Variants in CD163L1 observed in about 807,000 individuals in gnomAD.
The protein encoded by CD163L1 is scavenger receptor cysteine-rich type 1 protein M160.
CD163L1 carries 124 observed loss-of-function variants against 165.4 expected under a neutral mutation model. The ratio of observed to expected loss-of-function variants is 0.75; its 90% CI spans 0.65 to 0.87. The LOEUF is 0.87. Among genes scored for constraint, CD163L1 ranks in the 40% least tolerant of loss-of-function variants. CD163L1 has a pLI of 0.00. For missense variants in CD163L1, 1,525 were observed against 1,799.9 expected (o/e 0.85, Z 2.76); for synonymous variants, 585 against 662.2 (o/e 0.88, Z 1.79).
chr12:7,434,649 G>A (rs1171548430), intron 2 of CD163L1, among the ~76,000 whole-genome samples: 1 of 151,574 alleles, frequency 6.6e-6, no homozygotes, highest in African/African-American at 2.4e-5. Context: ...GAAGCAATAA[G>A]GAGGAAGAAA....
intron 8 of CD163L1, among the ~76,000 whole-genome samples, chr12:7,395,596 T>TA (rs746173466): frequency 3.9e-5 from 6 of 151,900 alleles, no homozygotes; most frequent in African/African-American, 7.3e-5. Context: ...AGTATAATAA[T>TA]AAAAAAAATT....
rs1418493298 is a variant in CD163L1 at position 7,433,509 on chromosome 12, CG to C, written c.309del (p.Val104Ter). On this transcript the variant is annotated frameshift_variant, in exon 3 of 20. Transcript: ENST00000313599. LOFTEE classifies it high-confidence loss of function. ...FSFAMFRFGQ[A>X]VTRHGKIWLD... The stretch of plus-strand genomic sequence containing the variant: ...AGCCAAATTTTTCCATGTCTAGTCA[CG>C]GCTTGTCCAAAACGAAACATGGCGA... 2 of 1,614,006 alleles carry C rather than the reference CG, an allele frequency of 1.2e-6. No homozygotes were observed. Among genetic ancestry groups the C allele is most frequent in the Non-Finnish European group, 1.7e-6 (2 of 1,180,024 alleles).
rs572276485 is a variant in CD163L1 at position 7,432,675 on chromosome 12, C to T, written c.507G>A (p.Glu169=). The T allele has an allele frequency of 6.8e-6, 11 of 1,613,856 alleles. No individual in the cohort carries two copies. In the Admixed American group the frequency reaches 1.2e-4, roughly 17 times the overall value. ...TTCCCCACCTTTCTTGGAATTTCAC[C>T]TCCACTCTCCCTGAACAGGAGTTGT... is the stretch of plus-strand genomic sequence containing the variant. ...DGNNSCSGRV[E]VKFQERWGTI... The change falls in exon 4 of 20, where the codon GAG becomes GAA. Residue 169 remains glutamate (E), a synonymous_variant. Transcript: ENST00000313599. This position sits in a 1 kb window ranked among gnomAD's most constrained non-coding sequence, Gnocchi z 4.2.
intron 4 of CD163L1, among the ~76,000 whole-genome samples, chr12:7,410,171 T>G (rs1029199998): frequency 4.0e-5 from 6 of 151,326 alleles, no homozygotes; most frequent in African/African-American, 1.5e-4. Flanking sequence ...AATACAAGCA[T>G]AAAAAGACAA....
chr12:7,378,105 C>G (rs1156919662), intron 9 of CD163L1, among the ~76,000 whole-genome samples: 1 of 152,160 alleles, frequency 6.6e-6, no homozygotes, highest in Non-Finnish European at 1.5e-5. Context: ...GATTATCTTT[C>G]CAGATGATGA....
chr12:7,373,375 G>A lies in CD163L1; in HGVS notation c.3675C>T (p.Ala1225=), dbSNP rs777222857. The A allele has an allele frequency of 6.2e-7, 1 of 1,614,084 alleles. No homozygotes were observed. The highest frequency in any genetic ancestry group is 1.1e-5 in the South Asian group (1 of 91,066). The part of the protein sequence containing the change: ...THISIWQCLS[A]PWERRISSPA... ...GGCTGGAGATTCTTCGCTCCCATGG[G>A]GCAGACAGGCACTGCCATATGGAGA... is the stretch of plus-strand genomic sequence containing the variant. The change falls in exon 14 of 20, where the codon GCC becomes GCT. Residue 1225 remains alanine, a synonymous_variant. Transcript: ENST00000313599.
intron 5 of CD163L1, among the ~76,000 whole-genome samples, chr12:7,404,616 T>A (rs2136526341): frequency 6.6e-6 from 1 of 152,302 alleles, no homozygotes; most frequent in Admixed American, 6.5e-5. Flanking sequence ...GGAAAGGAGA[T>A]ATAATTTCTA....
chr12:7,399,160 TTTCC>T (rs1947848623), intron 6 of CD163L1, among the ~76,000 whole-genome samples: 2 of 151,852 alleles, frequency 1.3e-5, no homozygotes, highest in East Asian at 1.9e-4. Flanking sequence ...TCCTTCCTTC[TTTCC>T]TTCCTTCCGC....
chr12:7,370,315 A>T (rs1454384916), intron 14 of CD163L1, among the ~76,000 whole-genome samples: 2 of 152,174 alleles, frequency 1.3e-5, no homozygotes, highest in Admixed American at 1.3e-4. Context: ...GGTCATTTTA[A>T]ACTTGCTGCC....
chr12:7,343,520 TGGAAG>T (rs1746956600), downstream of CD163L1, among the ~76,000 whole-genome samples: 1 of 152,104 alleles, frequency 6.6e-6, no homozygotes, highest in Non-Finnish European at 1.5e-5. Flanking sequence ...ATAATCATGG[TGGAAG>T]GCAAAGGGAG....
intron 8 of CD163L1, among the ~76,000 whole-genome samples, chr12:7,379,559 T>C (rs1371799075): frequency 1.3e-5 from 2 of 152,226 alleles, no homozygotes; most frequent in Non-Finnish European, 2.9e-5. Flanking sequence ...AGCAAGGATA[T>C]AGTTTTACTT....
At chr12:7,435,450 T>G (rs1223139042) in intron 2 of CD163L1, among the ~76,000 whole-genome samples, 1 of 151,812 alleles carries the variant, frequency 6.6e-6, no homozygotes, top group African/African-American at 2.4e-5. Flanking sequence ...ACAAAAGGCA[T>G]GACCATTAAA....
intron 4 of CD163L1, among the ~76,000 whole-genome samples, chr12:7,409,001 G>T (rs1327696798): frequency 6.6e-6 from 1 of 152,180 alleles, no homozygotes; most frequent in Non-Finnish European, 1.5e-5. Context: ...ACTTCTCATT[G>T]CTATTGCATG....
chr12:7,383,051 C>T (rs1040382600), intron 8 of CD163L1, among the ~76,000 whole-genome samples: 1 of 152,194 alleles, frequency 6.6e-6, no homozygotes, highest in Non-Finnish European at 1.5e-5. Flanking sequence ...AGCAACCCCA[C>T]TTCCTCGCAG....
chr12:7,341,170 A>G, the CD163L1 span, among the ~76,000 whole-genome samples: 1 of 152,166 alleles, frequency 6.6e-6, no homozygotes, highest in Non-Finnish European at 1.5e-5. Context: ...CAGATTTTAA[A>G]AATAAAGTCA....
At chr12:7,389,423 A>G (rs967223397) in intron 8 of CD163L1, among the ~76,000 whole-genome samples, 3 of 152,200 alleles carry the variant, frequency 2.0e-5, no homozygotes, top group Non-Finnish European at 2.9e-5. Context: ...GAAGGCAAAC[A>G]TCGCATGCTC....
At chr12:7,366,816 T>A (rs191628214) in intron 18 of CD163L1, among the ~76,000 whole-genome samples, 68 of 152,212 alleles carry the variant, frequency 4.5e-4, no homozygotes, top group African/African-American at 1.5e-3. Context: ...AAAATTATTT[T>A]AAAAATAATT....
Position 7,383,441 on chromosome 12 carries a change from C to T in CD163L1, c.2051-4143G>A, listed in dbSNP as rs76444044. 9.6e-4 allele frequency among the ~76,000 whole-genome samples: 146 copies of T among 152,290 alleles called. 2 individuals carry two copies. In the East Asian group the frequency reaches 0.025, roughly 27 times the overall value. On this transcript the variant is annotated intron_variant, in intron 8 of 19. Transcript: ENST00000313599. The stretch of plus-strand genomic sequence containing the variant: ...TGTTACCTAGGGGCCTGAGAACTTT[C>T]CCACCTGCCTAACTCAATGCTGCCA...
At position 7,433,714 on chromosome 12, in the gene CD163L1, A is replaced by G; in HGVS notation, c.125-20T>C. On this transcript the variant is annotated intron_variant, in intron 2 of 19. Coordinates refer to ENST00000313599, the MANE Select transcript of CD163L1 (RefSeq NM_174941.6). Reference sequence around the variant, plus strand: ...TTCCATCTGCAAGAAAGACAGAAACATACATTAGAGATGGCAAAGATTAGA... The same window carrying G: ...TTCCATCTGCAAGAAAGACAGAAACGTACATTAGAGATGGCAAAGATTAGA... 6.4e-7 allele frequency: 1 copy of G among 1,568,458 alleles called. No individual in the cohort carries two copies. Among genetic ancestry groups the G allele is most frequent in the Non-Finnish European group, 8.7e-7 (1 of 1,149,100 alleles).
Sources: allele counts gnomAD v4.1 joint callset (sites outside exome capture counted in the v4.1 genomes callset), GRCh38; gene constraint gnomAD v4.1.1; non-coding constraint Gnocchi (gnomAD v3.1); transcripts MANE v1.5; gene names NCBI Gene and HGNC (gene_info 2026-07-23, HGNC 2026-07-21).